SPOCK1: variants seen among roughly 807,000 people sequenced by gnomAD.
The protein encoded by SPOCK1 is testican-1.
A neutral mutation model predicts 55.3 loss-of-function variants in SPOCK1; 23 were observed. That is an observed-to-expected ratio of 0.42 (90% confidence interval 0.30 to 0.59). The LOEUF is 0.59. SPOCK1 is among the 20% of genes least tolerant of loss of function. The probability of loss-of-function intolerance (pLI) is 0.22; values close to 1 mark genes in which losing one functional copy is unlikely to be tolerated. For missense variants in SPOCK1, 499 were observed against 552.5 expected (o/e 0.90, Z 0.97); for synonymous variants, 226 against 221.0 (o/e 1.02, Z -0.20).
At chr5:137,255,263 A>G (rs988684496) in intron 3 of SPOCK1, among the ~76,000 whole-genome samples, 8 of 152,140 alleles carry the variant, frequency 5.3e-5, no homozygotes, top group African/African-American at 1.9e-4. Context: ...CCTCACTACT[A>G]TGAATACCTG....
At chr5:137,445,627 A>T (rs1454169619) in intron 2 of SPOCK1, among the ~76,000 whole-genome samples, 1 of 152,224 alleles carries the variant, frequency 6.6e-6, no homozygotes, top group East Asian at 1.9e-4. Context: ...TTGTCATGTT[A>T]TAGAAGAACT....
At chr5:137,443,158 A>C (rs1753053837) in intron 2 of SPOCK1, among the ~76,000 whole-genome samples, 1 of 152,064 alleles carries the variant, frequency 6.6e-6, no homozygotes, top group African/African-American at 2.4e-5. Context: ...TGGACATGTT[A>C]TTTAAACTCG....
intron 2 of SPOCK1, among the ~76,000 whole-genome samples, chr5:137,480,866 C>A (rs941179301): frequency 2.0e-5 from 3 of 151,850 alleles, no homozygotes; most frequent in African/African-American, 7.3e-5. Context: ...CCTGAGCATA[C>A]AAAGGGACCA....
At chr5:137,320,669 T>C (rs1226616470) in intron 2 of SPOCK1, among the ~76,000 whole-genome samples, 1 of 151,964 alleles carries the variant, frequency 6.6e-6, no homozygotes, top group African/African-American at 2.4e-5. Context: ...GACCAGCAAA[T>C]CTCTCTAAAT....
At chr5:137,482,125 A>C (rs1753963300) in intron 2 of SPOCK1, among the ~76,000 whole-genome samples, 1 of 152,226 alleles carries the variant, frequency 6.6e-6, no homozygotes, top group African/African-American at 2.4e-5. Flanking sequence ...CAGAATAAAA[A>C]GTAGGGGAGG....
intron 6 of SPOCK1, among the ~76,000 whole-genome samples, chr5:136,996,851 C>T (rs1341904081): frequency 6.6e-6 from 1 of 152,054 alleles, no homozygotes; most frequent in Admixed American, 6.5e-5. Context: ...TAAAAGCTGG[C>T]CACCCCAGCC....
At chr5:137,424,628 T>C (rs1367783658) in intron 2 of SPOCK1, among the ~76,000 whole-genome samples, 18 of 152,106 alleles carry the variant, frequency 1.2e-4, no homozygotes, top group Admixed American at 1.1e-3. Context: ...AACAGGTGAA[T>C]GGATAAGCAA....
chr5:137,356,838 T>TATATATATATGGAGAGAG (rs1554077335), intron 2 of SPOCK1, among the ~76,000 whole-genome samples: 1 of 5,460 alleles, frequency 1.8e-4, no homozygotes, highest in Non-Finnish European at 3.1e-4. Flanking sequence ...TATATATATA[T>TATATATATATGGAGAGAG]AGAGAGAGAG....
chr5:136,981,635 A>G (rs567681986), intron 9 of SPOCK1, among the ~76,000 whole-genome samples: 9 of 152,230 alleles, frequency 5.9e-5, no homozygotes, highest in African/African-American at 2.2e-4. Context: ...TTCTATTGGT[A>G]TTGTGTTGTG....
At chr5:137,170,692 G>A (rs572842805) in intron 3 of SPOCK1, among the ~76,000 whole-genome samples, 11 of 151,916 alleles carry the variant, frequency 7.2e-5, no homozygotes, top group Non-Finnish European at 1.2e-4. Flanking sequence ...AGGAAGAGGC[G>A]CTCACCAGGA....
intron 2 of SPOCK1, among the ~76,000 whole-genome samples, chr5:137,465,465 TA>T (rs1398199023): frequency 2.0e-5 from 3 of 152,144 alleles, no homozygotes; most frequent in Non-Finnish European, 4.4e-5. Flanking sequence ...CTAAAAATTG[TA>T]AACTCGTCTT....
intron 3 of SPOCK1, among the ~76,000 whole-genome samples, chr5:137,262,208 T>C (rs1306417692): frequency 6.6e-6 from 1 of 152,204 alleles, no homozygotes; most frequent in African/African-American, 2.4e-5. Flanking sequence ...ATAAATTCTA[T>C]CTTTCATTCC....
chr5:137,132,019 TAA>T (rs796357647), intron 4 of SPOCK1, among the ~76,000 whole-genome samples: 2,749 of 55,730 alleles, frequency 0.049, 228 homozygotes, highest in Middle Eastern at 0.12. Flanking sequence ...TATATATATA[TAA>T]AAAATTAGCT....
intron 6 of SPOCK1, among the ~76,000 whole-genome samples, chr5:137,003,442 C>T (rs1476309610): frequency 6.6e-6 from 1 of 152,132 alleles, no homozygotes; most frequent in Non-Finnish European, 1.5e-5. Flanking sequence ...TATATTTGTT[C>T]TGCATATCTG....
intron 6 of SPOCK1, among the ~76,000 whole-genome samples, chr5:137,065,636 T>C (rs1265027127): frequency 6.6e-6 from 1 of 152,228 alleles, no homozygotes; most frequent in Non-Finnish European, 1.5e-5. Context: ...ATTTTAGTTG[T>C]TTTATAATAT....
At chr5:137,050,801 A>AT (rs1752191314) in intron 6 of SPOCK1, among the ~76,000 whole-genome samples, 3 of 152,250 alleles carry the variant, frequency 2.0e-5, no homozygotes, top group Admixed American at 2.0e-4. Flanking sequence ...AGAAATAGTC[A>AT]TTTTAACAAA....
chr5:137,285,096 C>T (rs1412391519), intron 2 of SPOCK1, among the ~76,000 whole-genome samples: 1 of 152,164 alleles, frequency 6.6e-6, no homozygotes, highest in Non-Finnish European at 1.5e-5. Context: ...CCAGCAGCAG[C>T]GCAAGCACAG....
At chr5:137,123,594 T>C (rs543463826) in intron 4 of SPOCK1, among the ~76,000 whole-genome samples, 10 of 152,260 alleles carry the variant, frequency 6.6e-5, no homozygotes, top group African/African-American at 2.2e-4. Flanking sequence ...AGACAGAACC[T>C]ATTCTACCTA....
chr5:137,420,558 C>T (rs1279150949), intron 2 of SPOCK1, among the ~76,000 whole-genome samples: 3 of 152,194 alleles, frequency 2.0e-5, no homozygotes, highest in African/African-American at 7.2e-5. Context: ...TTATCCATTT[C>T]TTCTAAATTT....
Sources: allele counts gnomAD v4.1 joint callset (sites outside exome capture counted in the v4.1 genomes callset), GRCh38; gene constraint gnomAD v4.1.1; transcripts MANE v1.5; gene names NCBI Gene and HGNC (gene_info 2026-07-23, HGNC 2026-07-21).